Variants in ERBB4 observed in about 807,000 individuals in gnomAD.
ERBB4 encodes the protein erb-b2 receptor tyrosine kinase 4.
ERBB4 carries 42 observed loss-of-function variants against 158.0 expected under a neutral mutation model. The ratio of observed to expected loss-of-function variants is 0.27; its 90% CI spans 0.21 to 0.34. The LOEUF is 0.34. Among genes scored for constraint, ERBB4 ranks in the 10% least tolerant of loss-of-function variants. The probability of loss-of-function intolerance (pLI) is 1.00; values close to 1 mark genes in which losing one functional copy is unlikely to be tolerated. For synonymous variants in ERBB4, 583 were observed against 558.7 expected (o/e 1.04, Z -0.61); for missense variants, 1,333 against 1,624.1 (o/e 0.82, Z 3.08).
chr2:212,323,160 C>T (rs764271278), intron 1 of ERBB4, among the ~76,000 whole-genome samples: 7 of 150,398 alleles, frequency 4.7e-5, no homozygotes, highest in Non-Finnish European at 7.5e-5. Flanking sequence ...TAAATCCTTT[C>T]GTCAGTGCAT....
At chr2:212,489,241 G>C (rs1052303051) in intron 1 of ERBB4, among the ~76,000 whole-genome samples, 35 of 152,020 alleles carry the variant, frequency 2.3e-4, no homozygotes, top group African/African-American at 8.4e-4. Context: ...GATGGAACTT[G>C]TGAGAGATAT....
intron 2 of ERBB4, among the ~76,000 whole-genome samples, chr2:211,974,827 T>C (rs2081558837): frequency 6.6e-6 from 1 of 152,192 alleles, no homozygotes; most frequent in African/African-American, 2.4e-5. Flanking sequence ...TGTTTGCTCA[T>C]CTAAATAATA....
chr2:211,544,774 C>T lies in ERBB4; in HGVS notation c.2487+17129G>A, dbSNP rs887833650. 1.0e-4 allele frequency among the ~76,000 whole-genome samples: 7 copies of T among 68,716 alleles called. No individual in the cohort carries two copies. The South Asian group carries it at 3.0e-3, about 29-fold the overall frequency. 45.1% of individuals were successfully genotyped at this position (68,716 alleles called of 152,430 possible). On this transcript the variant is annotated intron_variant, in intron 20 of 27. Transcript: ENST00000342788. ...TACTCTATGTACCTCGTTTGCATGA[C>T]TTCAGTGAAAATGTTGGCTAGTTTT... is the stretch of plus-strand genomic sequence containing the variant.
At chr2:211,589,437 T>G (rs939323747) in intron 19 of ERBB4, among the ~76,000 whole-genome samples, 1 of 152,152 alleles carries the variant, frequency 6.6e-6, no homozygotes, top group Non-Finnish European at 1.5e-5. Context: ...TTAAAATGAA[T>G]GTCCACATAT....
At chr2:212,198,080 T>C (rs560257115) in intron 1 of ERBB4, among the ~76,000 whole-genome samples, 1 of 152,308 alleles carries the variant, frequency 6.6e-6, no homozygotes, top group African/African-American at 2.4e-5. Context: ...AGAATGCTCA[T>C]ATGAGAATGT....
At chr2:211,972,370 C>A (rs1379541947) in intron 2 of ERBB4, among the ~76,000 whole-genome samples, 1 of 152,164 alleles carries the variant, frequency 6.6e-6, no homozygotes, top group Non-Finnish European at 1.5e-5. Context: ...ATTCAACTAC[C>A]ATTGACATTC....
chr2:211,990,766 T>C (rs903068870), intron 2 of ERBB4, among the ~76,000 whole-genome samples: 8 of 151,954 alleles, frequency 5.3e-5, no homozygotes, highest in East Asian at 1.9e-4. Context: ...ATGTTGGATG[T>C]TGCAAAATTT....
intron 3 of ERBB4, among the ~76,000 whole-genome samples, chr2:211,871,254 C>T (rs1296873336): frequency 2.6e-5 from 4 of 152,130 alleles, no homozygotes; most frequent in Non-Finnish European, 5.9e-5. Context: ...GTCCCAACTA[C>T]TTGGGTGGCC....
At chr2:211,717,203 C>T (rs557411927) in intron 7 of ERBB4, among the ~76,000 whole-genome samples, 6 of 152,108 alleles carry the variant, frequency 3.9e-5, no homozygotes, top group African/African-American at 9.7e-5. Context: ...TAGTATAATG[C>T]GCTTCTAAGA....
chr2:211,436,885 A>G (rs750332163), intron 20 of ERBB4, among the ~76,000 whole-genome samples: 16 of 152,348 alleles, frequency 1.1e-4, no homozygotes, highest in Non-Finnish European at 2.2e-4. Flanking sequence ...TGCCCTCTAT[A>G]AATACATCAC....
At chr2:211,607,865 A>ATTTTTTTTTTTTTTTTTTTTTTT (rs1553589856) in intron 19 of ERBB4, among the ~76,000 whole-genome samples, 1 of 74,204 alleles carries the variant, frequency 1.3e-5, no homozygotes, top group African/African-American at 4.0e-5. Flanking sequence ...TTCGCATCAG[A>ATTTTTTTTTTTTTTTTTTTTTTT]TTTTTTTTTT....
At chr2:212,089,142 T>C (rs953371193) in intron 2 of ERBB4, among the ~76,000 whole-genome samples, 1 of 152,158 alleles carries the variant, frequency 6.6e-6, no homozygotes, top group African/African-American at 2.4e-5. Flanking sequence ...TAAGACTATA[T>C]ACAAATACCA....
intron 1 of ERBB4, among the ~76,000 whole-genome samples, chr2:212,310,371 A>G (rs1445985995): frequency 6.6e-6 from 1 of 150,716 alleles, no homozygotes; most frequent in Non-Finnish European, 1.5e-5. Flanking sequence ...GCCTCCCTCT[A>G]TTGGGGAACA....
intron 1 of ERBB4, among the ~76,000 whole-genome samples, chr2:212,192,005 A>G (rs879477399): frequency 0.22 from 21,353 of 95,534 alleles, 2,180 homozygotes; most frequent in Non-Finnish European, 0.3. Flanking sequence ...TATGTTATAT[A>G]TAATATATGT....
intron 1 of ERBB4, among the ~76,000 whole-genome samples, chr2:212,201,601 T>C (rs1034157098): frequency 6.6e-6 from 1 of 152,210 alleles, no homozygotes; most frequent in Middle Eastern, 3.2e-3. Context: ...TGTCAAAATA[T>C]TTCCTTCATT....
At chr2:212,341,827 G>C (rs1440959254) in intron 1 of ERBB4, among the ~76,000 whole-genome samples, 2 of 152,144 alleles carry the variant, frequency 1.3e-5, no homozygotes, top group Admixed American at 6.5e-5. Flanking sequence ...AGAGCTAATT[G>C]CAAGGGAACC....
chr2:211,771,140 T>G (rs893575854), intron 4 of ERBB4, among the ~76,000 whole-genome samples: 2 of 152,214 alleles, frequency 1.3e-5, no homozygotes, highest in South Asian at 4.1e-4. Flanking sequence ...AGTCAGATTC[T>G]CTTCTTTAAA....
chr2:211,756,164 T>G (rs2106226018), intron 4 of ERBB4, among the ~76,000 whole-genome samples: 1 of 151,846 alleles, frequency 6.6e-6, no homozygotes, highest in East Asian at 1.9e-4. Flanking sequence ...CTCAAGGAGG[T>G]TTTAGGGTCC....
chr2:211,414,857 C>G (rs946235945), intron 25 of ERBB4, among the ~76,000 whole-genome samples: 1 of 152,070 alleles, frequency 6.6e-6, no homozygotes. Flanking sequence ...GTTACGTAAA[C>G]TGTCCATAGC....
Sources: allele counts gnomAD v4.1 joint callset (sites outside exome capture counted in the v4.1 genomes callset), GRCh38; gene constraint gnomAD v4.1.1; transcripts MANE v1.5; gene names NCBI Gene and HGNC (gene_info 2026-07-23, HGNC 2026-07-21).